CUX2: variants seen among roughly 807,000 people sequenced by gnomAD.
CUX2 encodes the protein cut like homeobox 2.
Under a neutral mutation model 144.8 loss-of-function variants are expected in CUX2, and 40 were observed. That is an observed-to-expected ratio of 0.28 (90% CI 0.21 to 0.36). CUX2 has a LOEUF of 0.36. Ranked by LOEUF, CUX2 falls within the 10% of genes least tolerant of loss-of-function variation. CUX2 has a pLI of 1.00. For missense variants in CUX2, 1,615 were observed against 1,994.0 expected, an observed-to-expected ratio of 0.81 and a Z score of 3.62; for synonymous variants, 827 against 875.6, an observed-to-expected ratio of 0.94 and a Z score of 0.98.
In CUX2 at chr12:111,061,830, A is replaced by C. The variant is rs1345416585; in HGVS notation, c.63+27590A>C. On this transcript the variant is annotated intron_variant, in intron 1 of 21. Coordinates refer to ENST00000261726, the MANE Select transcript of CUX2 (RefSeq NM_015267.4). This position sits in a 1 kb window ranked among gnomAD's most constrained non-coding sequence, Gnocchi z 4.2. ...GTTTTATGTACTTGGCCTTGTTCTC[A>C]GCAGGCAGGGATGTGGGGGGCGCCT... Among the ~76,000 whole-genome samples, 1 of 152,146 alleles carries C rather than the reference A, an allele frequency of 6.6e-6. No individual in the cohort carries two copies. The highest frequency in any genetic ancestry group is 1.5e-5 in the Non-Finnish European group (1 of 68,034).
At chr12:111,098,127 C>T (rs1872942782) in intron 1 of CUX2, among the ~76,000 whole-genome samples, 1 of 152,120 alleles carries the variant, frequency 6.6e-6, no homozygotes, top group South Asian at 2.1e-4. Flanking sequence ...GAGCTGGGCG[C>T]TGTGGCTTTA....
At chr12:111,170,295 G>A (rs1276982371) in intron 1 of CUX2, among the ~76,000 whole-genome samples, 1 of 152,116 alleles carries the variant, frequency 6.6e-6, no homozygotes, top group African/African-American at 2.4e-5. Context: ...CGGGAGTGGT[G>A]GCACATGCCT....
intron 1 of CUX2, among the ~76,000 whole-genome samples, chr12:111,213,735 G>A (rs977655276): frequency 9.2e-5 from 14 of 152,092 alleles, no homozygotes; most frequent in African/African-American, 3.1e-4. Flanking sequence ...AGTTGGAGCC[G>A]TTCCCACCTC....
intron 1 of CUX2, among the ~76,000 whole-genome samples, chr12:111,139,959 C>T (rs1425676664): frequency 6.6e-6 from 1 of 152,124 alleles, no homozygotes; most frequent in Non-Finnish European, 1.5e-5. Flanking sequence ...CCTCTCTGAG[C>T]CCCCATCACC....
Position 111,320,623 on chromosome 12 carries a change from G to A in CUX2, c.2614G>A (p.Val872Met), listed in dbSNP as rs560358125. ...GCGGCTGCCCTACTACCCGGCCTAC[G>A]TGCCGCGCACCCTGAAGCCCACCGT... The part of the protein sequence containing the change: ...GARLPYYPAY[V>M]PRTLKPTVPP... The change falls in exon 17 of 22, where the codon GTG (valine) becomes ATG (methionine). Residue 872 changes from valine (V) to methionine (M), a missense_variant. Physicochemically the swap from Val to Met is conservative, Grantham distance 21. Coordinates refer to ENST00000261726, the MANE Select transcript of CUX2 (RefSeq NM_015267.4). This position sits in a 1 kb window ranked among gnomAD's most constrained non-coding sequence, Gnocchi z 8.1. The A allele has an allele frequency of 1.2e-5, 19 of 1,586,236 alleles. No homozygotes were observed. Among genetic ancestry groups the A allele is most frequent in the African/African-American group, 1.1e-4 (8 of 74,222 alleles).
Position 111,247,182 on chromosome 12 carries a change from G to A in CUX2, c.223-16579G>A, listed in dbSNP as rs138059854. 3.3e-5 allele frequency among the ~76,000 whole-genome samples: 5 copies of A among 152,244 alleles called. No homozygotes were observed. The East Asian group carries it at 5.8e-4, about 18-fold the overall frequency. On this transcript the variant is annotated intron_variant, in intron 3 of 21. Coordinates refer to ENST00000261726, the MANE Select transcript of CUX2 (RefSeq NM_015267.4). ...CTCACCTCTGGAGCCCACTGCAGAC[G>A]GCTGAGTCCATAGCGAGCACCGCAC...
intron 20 of CUX2, among the ~76,000 whole-genome samples, chr12:111,339,060 C>T (rs574743752): frequency 1.4e-4 from 21 of 152,128 alleles, no homozygotes; most frequent in Middle Eastern, 6.8e-3. Flanking sequence ...TGGCAAAACC[C>T]TGTCTCTACT....
Position 111,244,089 on chromosome 12 carries a change from T to C in CUX2, c.223-19672T>C, listed in dbSNP as rs932855834. Among the ~76,000 whole-genome samples the C allele has an allele frequency of 4.6e-5, 7 of 151,808 alleles. No homozygotes were observed. The South Asian group carries it at 1.0e-3, about 22-fold the overall frequency. ...TGACTGGTCTGGGTTATTAGCTTTTTGGGTTTTTTTTTGTTTTTGTTTTTT... is the reference window on the plus strand; with the variant it reads ...TGACTGGTCTGGGTTATTAGCTTTTCGGGTTTTTTTTTGTTTTTGTTTTTT... On this transcript the variant is annotated intron_variant, in intron 3 of 21. Coordinates refer to ENST00000261726, the MANE Select transcript of CUX2 (RefSeq NM_015267.4).
At chr12:111,086,712 T>C (rs1431369478) in intron 1 of CUX2, among the ~76,000 whole-genome samples, 1 of 152,170 alleles carries the variant, frequency 6.6e-6, no homozygotes, top group Non-Finnish European at 1.5e-5. Flanking sequence ...TCCTCTTCTT[T>C]AAAATGGGGC....
intron 2 of CUX2, among the ~76,000 whole-genome samples, chr12:111,216,864 G>A (rs1881562135): frequency 6.6e-6 from 1 of 152,106 alleles, no homozygotes; most frequent in South Asian, 2.1e-4. Context: ...CATAATGAAG[G>A]GGTTTATTCT....
chr12:111,156,149 G>A (rs1271776548), intron 1 of CUX2, among the ~76,000 whole-genome samples: 3 of 152,084 alleles, frequency 2.0e-5, no homozygotes, highest in African/African-American at 7.2e-5. Flanking sequence ...TAATCCCGGG[G>A]CAGAAACGTA....
chr12:111,039,720 CG>C lies in CUX2; in HGVS notation c.63+5484del, dbSNP rs944303665. ...CTAATTTTTGTATTTTTAGTAGAGACGGGGTTTTGCAGTGTTGACCAGGCTG... is the reference window on the plus strand; with the variant it reads ...CTAATTTTTGTATTTTTAGTAGAGACGGGTTTTGCAGTGTTGACCAGGCTG... On this transcript the variant is annotated intron_variant, in intron 1 of 21. Coordinates refer to ENST00000261726, the MANE Select transcript of CUX2 (RefSeq NM_015267.4). The surrounding 1 kb of genome is among the most constrained non-coding windows in gnomAD (Gnocchi z 4.2). Among the ~76,000 whole-genome samples the C allele has an allele frequency of 6.6e-6, 1 of 151,970 alleles. No individual in the cohort carries two copies. The highest frequency in any genetic ancestry group is 1.5e-5 in the Non-Finnish European group (1 of 67,984).
rs368552930 is a variant in CUX2, at chr12:111,120,272, G to A, written c.63+86032G>A. Among the ~76,000 whole-genome samples the A allele has an allele frequency of 1.2e-4, 19 of 152,114 alleles. No individual in the cohort carries two copies. The East Asian group carries it at 1.7e-3, about 14-fold the overall frequency. On this transcript the variant is annotated intron_variant, in intron 1 of 21. Coordinates refer to ENST00000261726, the MANE Select transcript of CUX2 (RefSeq NM_015267.4). The stretch of plus-strand genomic sequence containing the variant: ...GGGGTACAACACGTAGTAGGTGTTC[G>A]ATAAACTTGGGTTGGATAAATGGAA...
chr12:111,347,493 A>C (rs1440778863), intron 21 of CUX2, 31 bp from the exon 22 acceptor site: 1 of 1,549,246 alleles, frequency 6.5e-7, no homozygotes, highest in Non-Finnish European at 8.7e-7. Context: ...TCCCCTGTCC[A>C]GCCCCAGGCT....
At chr12:111,164,124 A>AT (rs1368111360) in intron 1 of CUX2, among the ~76,000 whole-genome samples, 4 of 152,170 alleles carry the variant, frequency 2.6e-5, no homozygotes, top group African/African-American at 9.7e-5. Context: ...TGCTGTTATT[A>AT]TAATACTACC....
At chr12:111,280,766 G>A (rs1266534991) in intron 4 of CUX2, among the ~76,000 whole-genome samples, 2 of 152,024 alleles carry the variant, frequency 1.3e-5, no homozygotes, top group Admixed American at 1.3e-4. Context: ...GTGGCTCTGT[G>A]CATCCTCTCT....
intron 1 of CUX2, among the ~76,000 whole-genome samples, chr12:111,056,755 A>G (rs1056730317): frequency 1.3e-5 from 2 of 152,200 alleles, no homozygotes; most frequent in African/African-American, 4.8e-5. Flanking sequence ...CTTGGTGGCG[A>G]GGGATATTAT....
intron 1 of CUX2, among the ~76,000 whole-genome samples, chr12:111,134,620 C>CTCTCTCTGTGTG (rs1026548098): frequency 1.8e-3 from 253 of 142,192 alleles, no homozygotes; most frequent in African/African-American, 6.8e-3. Flanking sequence ...CTCTCTCTCT[C>CTCTCTCTGTGTG]TGTGTGTGTG....
intron 1 of CUX2, among the ~76,000 whole-genome samples, chr12:111,076,907 C>T (rs1255868075): frequency 6.6e-6 from 1 of 152,128 alleles, no homozygotes; most frequent in Non-Finnish European, 1.5e-5. Flanking sequence ...TGACTCTTAA[C>T]GAGGCTTTAA....
Sources: gnomAD v4.1 joint callset for allele counts (sites outside exome capture counted in the v4.1 genomes callset) on GRCh38, gnomAD v4.1.1 for gene constraint, Gnocchi (gnomAD v3.1) non-coding constraint, MANE v1.5 for transcripts, NCBI Gene and HGNC (gene_info 2026-07-23, HGNC 2026-07-21) for gene names.